PUM1: variants seen among roughly 807,000 people sequenced by gnomAD.
PUM1 encodes the protein pumilio RNA binding family member 1, also known as pumilio homolog 1.
PUM1 carries 13 observed loss-of-function variants against 131.8 expected under a neutral mutation model. The observed-to-expected ratio is 0.10, with a 90% confidence interval of 0.06 to 0.16. The LOEUF (loss-of-function observed/expected upper bound fraction) is 0.16, where lower values mean the gene tolerates loss of function less well. PUM1 is among the 10% of genes least tolerant of loss of function. The pLI is 1.00. For synonymous variants in PUM1, 509 were observed against 556.5 expected, an observed-to-expected ratio of 0.91 and a Z score of 1.20; for missense variants, 961 against 1,512.4, an observed-to-expected ratio of 0.64 and a Z score of 6.05.
In PUM1 at chr1:30,933,174, G is replaced by C; in HGVS notation, c.*37C>G. On this transcript the variant is annotated 3_prime_UTR_variant, in exon 22 of 22. Coordinates refer to ENST00000426105, the MANE Select transcript of PUM1 (RefSeq NM_001020658.2). ...GTTGGATTTGCCAGTGGGCCAGTGA[G>C]GTCAGCGGGAATGAGGGAACAGCGG... The C allele has an allele frequency of 6.3e-7, 1 of 1,589,972 alleles. No homozygotes were observed. The highest frequency in any genetic ancestry group is 8.6e-7 in the Non-Finnish European group (1 of 1,167,494).
intron 21 of PUM1, 86 bp from the exon 22 acceptor site, chr1:30,933,428 T>TCACACACACA (rs1223375046): frequency 3.1e-5 from 29 of 950,282 alleles, no homozygotes; most frequent in Middle Eastern, 2.8e-4. Context: ...ATGTCATGCA[T>TCACACACACA]CACACACACA....
At chr1:31,007,185 G>A in intron 3 of PUM1, 83 bp from the exon 4 acceptor site, 1 of 1,032,384 alleles carries the variant, frequency 9.7e-7, no homozygotes, top group Non-Finnish European at 1.5e-6. Flanking sequence ...TTAGACAAGG[G>A]TACTGAAGAT....
chr1:30,984,985 G>A (rs573172217), intron 7 of PUM1, among the ~76,000 whole-genome samples: 20 of 152,194 alleles, frequency 1.3e-4, no homozygotes, highest in African/African-American at 4.1e-4. Context: ...ACCAGTTTGA[G>A]ACTATATACA....
intron 7 of PUM1, among the ~76,000 whole-genome samples, chr1:30,987,267 G>A (rs977402712): frequency 2.0e-5 from 3 of 150,578 alleles, no homozygotes; most frequent in Admixed American, 6.6e-5. Context: ...CGTGATCTCA[G>A]CTCACTGCAA....
chr1:31,036,061 T>G (rs74742904), intron 2 of PUM1, among the ~76,000 whole-genome samples: 1 of 151,610 alleles, frequency 6.6e-6, no homozygotes, highest in Non-Finnish European at 1.5e-5. Flanking sequence ...AGATCCGAAA[T>G]AGAATTCAAA....
intron 5 of PUM1, among the ~76,000 whole-genome samples, chr1:30,997,172 G>A (rs1642009214): frequency 1.3e-5 from 2 of 152,146 alleles, no homozygotes; most frequent in South Asian, 4.1e-4. Context: ...AGAAGAAACA[G>A]TTCAGCTCCA....
chr1:31,000,316 C>T (rs890744738), intron 5 of PUM1, among the ~76,000 whole-genome samples: 1 of 152,112 alleles, frequency 6.6e-6, no homozygotes, highest in Non-Finnish European at 1.5e-5. Flanking sequence ...AATGTTAACC[C>T]AAAGCTATAG....
At chr1:30,975,613 C>T (rs1301873738) in intron 9 of PUM1, among the ~76,000 whole-genome samples, 2 of 150,504 alleles carry the variant, frequency 1.3e-5, no homozygotes, top group African/African-American at 4.9e-5. Context: ...CCTTGGCCTC[C>T]CATATTGCTG....
chr1:30,952,485 C>T (rs1482287656), intron 15 of PUM1, 122 bp from the exon 16 acceptor site: 6 of 1,445,728 alleles, frequency 4.2e-6, no homozygotes, highest in Non-Finnish European at 3.8e-6. Context: ...TGTGCACACA[C>T]ATGCACACAA....
intron 14 of PUM1, among the ~76,000 whole-genome samples, chr1:30,959,650 G>C (rs1233393948): frequency 6.6e-6 from 1 of 152,178 alleles, no homozygotes; most frequent in Non-Finnish European, 1.5e-5. Flanking sequence ...GCTCACACCT[G>C]TAATCCCAAC....
In PUM1 at chr1:31,059,233, T is replaced by C. The variant is rs2124007811; in HGVS notation, c.334A>G (p.Thr112Ala). The part of the protein sequence containing the change: ...GYNNSKHRWP[T>A]GDNIHAEHQV... ...TGTTCTGCATGAATGTTATCCCCAG[T>C]AGGCCATCGATGTTTGCTATTATTA... The change falls in exon 2 of 22, where the codon ACT (threonine) becomes GCT (alanine). Residue 112 changes from threonine (T) to alanine (A), a missense_variant. Around this residue, in one of 4 missense-constraint regions of PUM1, gnomAD observed 654 missense variants for 923.9 expected, o/e 0.71. Transcript: ENST00000426105. 6.2e-7 allele frequency: 1 copy of C among 1,606,414 alleles called. No individual in the cohort carries two copies. Among genetic ancestry groups the C allele is most frequent in the Non-Finnish European group, 8.5e-7 (1 of 1,176,318 alleles).
intron 3 of PUM1, among the ~76,000 whole-genome samples, chr1:31,014,414 G>A (rs1642737426): frequency 6.6e-6 from 1 of 151,956 alleles, no homozygotes; most frequent in African/African-American, 2.4e-5. Flanking sequence ...GGAGGCTGAG[G>A]TGGGAGGGTC....
In PUM1 at chr1:30,952,095, A is replaced by T. The variant is rs1639958768; in HGVS notation, c.2721+139T>A. 8.0e-6 allele frequency: 6 copies of T among 750,452 alleles called. No homozygotes were observed. In the East Asian group the frequency reaches 8.2e-5, roughly 10 times the overall value. The allele number at this position is 750,452 out of a possible 1,614,324, so 46.5% of individuals were successfully genotyped here. A position where few individuals can be genotyped will look rare whatever the true frequency, so the allele number is the denominator to read the frequency against. On this transcript the variant is annotated intron_variant, in intron 16 of 21. Coordinates refer to ENST00000426105, the MANE Select transcript of PUM1 (RefSeq NM_001020658.2). The stretch of plus-strand genomic sequence containing the variant: ...ACTGCTGCTAATGAATTGGAAAAAC[A>T]CTAAAAACCTCTTCAAAAAGACCAC...
At chr1:31,017,255 G>A (rs531449859) in intron 3 of PUM1, among the ~76,000 whole-genome samples, 5 of 152,306 alleles carry the variant, frequency 3.3e-5, no homozygotes, top group East Asian at 1.9e-4. Flanking sequence ...AAACGGACAC[G>A]TAATTTTAAG....
intron 1 of PUM1, 118 bp downstream of exon 1, chr1:31,065,498 C>T: frequency 3.2e-6 from 4 of 1,243,364 alleles, no homozygotes; most frequent in Non-Finnish European, 4.3e-6. Context: ...AGGGCCCCGG[C>T]GGCTTTTCCA....
chr1:30,989,921 A>AT (rs1641721872), intron 7 of PUM1, among the ~76,000 whole-genome samples: 1 of 152,176 alleles, frequency 6.6e-6, no homozygotes, highest in African/African-American at 2.4e-5. Flanking sequence ...AATTATGTAC[A>AT]TTTTTCTCAT....
intron 18 of PUM1, 73 bp from the exon 19 acceptor site, chr1:30,942,196 TATATA>T (rs1557545191): frequency 1.1e-3 from 23 of 21,394 alleles, no homozygotes; most frequent in Admixed American, 7.2e-3. Flanking sequence ...ATTGTTTATA[TATATA>T]TATATATATA....
intron 2 of PUM1, chr1:31,051,010 C>G (rs1266242334): frequency 6.5e-6 from 1 of 154,566 alleles, no homozygotes; most frequent in African/African-American, 2.4e-5. Flanking sequence ...TGTCAGTAAG[C>G]GAAGAAAATG....
chr1:31,053,140 G>A (rs1471196186), intron 2 of PUM1, among the ~76,000 whole-genome samples: 3 of 151,320 alleles, frequency 2.0e-5, no homozygotes, highest in African/African-American at 7.3e-5. Context: ...CTGAGTAGCT[G>A]GGATTACAGG....
Sources: gnomAD v4.1 joint callset for allele counts (sites outside exome capture counted in the v4.1 genomes callset) on GRCh38, gnomAD v4.1.1 for gene constraint, gnomAD v4.1.1 regional missense constraint, MANE v1.5 for transcripts, NCBI Gene and HGNC (gene_info 2026-07-23, HGNC 2026-07-21) for gene names.